The following NCOR1 variants were observed in gnomAD, a reference collection of about 807,000 sequenced individuals.
NCOR1 encodes nuclear receptor corepressor 1, also known as protein phosphatase 1, regulatory subunit 109.
Under a neutral mutation model 288.1 loss-of-function variants are expected in NCOR1, and 63 were observed. The observed-to-expected ratio is 0.22, with a 90% CI of 0.18 to 0.27. The LOEUF (loss-of-function observed/expected upper bound fraction) is 0.27, where lower values mean the gene tolerates loss of function less well. Among genes scored for constraint, NCOR1 ranks in the 10% least tolerant of loss-of-function variants. The pLI is 1.00. For synonymous variants in NCOR1, 1,007 were observed against 1,065.9 expected, an observed-to-expected ratio of 0.94 and a Z score of 1.08; for missense variants, 2,397 against 3,019.2, an observed-to-expected ratio of 0.79 and a Z score of 4.83.
At chr17:16,079,814 T>TG in intron 26 of NCOR1, 150 bp downstream of exon 26, 2 of 584,014 alleles carry the variant, frequency 3.4e-6, no homozygotes, top group South Asian at 5.1e-5. Flanking sequence ...TTAACGTCTC[T>TG]GTGGAGACAG....
chr17:16,092,677 ATATATATATATATATATATTTTTTT>A lies in NCOR1; in HGVS notation c.2821-644_2821-620del, dbSNP rs1251523391. On this transcript the variant is annotated intron_variant, in intron 21 of 45. Transcript: ENST00000268712. ...TATATATATATATATATATATATAT[ATATATATATATATATATATTTTTTT>A]TTTTTTTTTTTTTTAAGACATAGTC... Among the ~76,000 whole-genome samples, 8 of 17,742 alleles carry A rather than the reference ATATATATATATATATATATTTTTTT, an allele frequency of 4.5e-4. 1 individual carries two copies. In the East Asian group the frequency reaches 8.8e-3, roughly 20 times the overall value. 11.6% of individuals were successfully genotyped at this position (17,742 alleles called of 152,430 possible). A position where few individuals can be genotyped will look rare whatever the true frequency, so the allele number is the denominator to read the frequency against.
At chr17:16,200,706 G>A (rs2090678510) in intron 1 of NCOR1, among the ~76,000 whole-genome samples, 2 of 151,926 alleles carry the variant, frequency 1.3e-5, no homozygotes, top group South Asian at 2.1e-4. Context: ...TATGGGGTAG[G>A]GCAATGCCTT....
At position 16,127,313 on chromosome 17, in the gene NCOR1, GTATGTATATATGTATGTATATATACA is replaced by G. The variant is rs2074442344; in HGVS notation, c.1510-1133_1510-1108del. Among the ~76,000 whole-genome samples, 15 of 41,230 alleles carry G rather than the reference GTATGTATATATGTATGTATATATACA, an allele frequency of 3.6e-4. 3 individuals are homozygous for G. The highest frequency in any genetic ancestry group is 6.9e-4 in the Non-Finnish European group (10 of 14,456). 27.0% of individuals were successfully genotyped at this position (41,230 alleles called of 152,430 possible). On this transcript the variant is annotated intron_variant, in intron 14 of 45. Transcript: ENST00000268712. ...TATATGTATGTATGTATATATACAT[GTATGTATATATGTATGTATATATACA>G]TGTATGTATATATGTATGTATATAT...
rs771613304 is a variant in NCOR1, at chr17:16,194,415, G to A, written c.108+47C>T. The A allele has an allele frequency of 1.4e-5, 18 of 1,310,670 alleles. No homozygotes were observed. In the South Asian group the frequency reaches 1.9e-4, roughly 14 times the overall value. 81.2% of individuals were successfully genotyped at this position (1,310,670 alleles called of 1,614,324 possible). Reference sequence around the variant, plus strand: ...ATGTGTATTAAATAGGAAAAGTAAAGAAAAACACAAAAAACATGTGCAATT... The same window carrying A: ...ATGTGTATTAAATAGGAAAAGTAAAAAAAAACACAAAAAACATGTGCAATT... On this transcript the variant is annotated intron_variant, in intron 2 of 45. Transcript: ENST00000268712.
intron 22 of NCOR1, among the ~76,000 whole-genome samples, chr17:16,088,857 G>A (rs1297284373): frequency 6.6e-6 from 1 of 152,078 alleles, no homozygotes; most frequent in East Asian, 1.9e-4. Context: ...TCTCACTAAA[G>A]GACTGGGTGT....
At chr17:16,084,037 A>G (rs1460884745) in intron 23 of NCOR1, 2 of 152,216 alleles carry the variant, frequency 1.3e-5, no homozygotes, top group African/African-American at 4.8e-5. Flanking sequence ...TGCCCATGAA[A>G]AAGTGGGGGC....
rs766747861 is a variant in NCOR1, at chr17:16,073,410, T to C, written c.3811+19A>G. 6 of 1,549,174 alleles carry C rather than the reference T, an allele frequency of 3.9e-6. No individual in the cohort carries two copies. Among genetic ancestry groups the C allele is most frequent in the Non-Finnish European group, 3.5e-6 (4 of 1,152,142 alleles). On this transcript the variant is annotated intron_variant, in intron 28 of 45. Coordinates refer to ENST00000268712, the MANE Select transcript of NCOR1 (RefSeq NM_006311.4). ...AAAATAACATGTATCAAAATAACAT[T>C]CTGAAAACAATGCTTTACCCTCTAA...
At chr17:16,070,002 A>T (rs2061562196) in intron 31 of NCOR1, among the ~76,000 whole-genome samples, 163 bp downstream of exon 31, 1 of 152,180 alleles carries the variant, frequency 6.6e-6, no homozygotes, top group Non-Finnish European at 1.5e-5. Flanking sequence ...AATTATGCCT[A>T]CTTTTAAATT....
rs1421131709 is a variant in NCOR1, at chr17:16,153,401, G to T, written c.733-6C>A. 3.2e-6 allele frequency: 5 copies of T among 1,578,198 alleles called. No individual in the cohort carries two copies. The highest frequency in any genetic ancestry group is 4.3e-6 in the Non-Finnish European group (5 of 1,155,374). On this transcript the variant is annotated splice_region_variant and splice_polypyrimidine_tract_variant and intron_variant, in intron 6 of 45. Coordinates refer to ENST00000268712, the MANE Select transcript of NCOR1 (RefSeq NM_006311.4). Reference sequence around the variant, plus strand: ...TGAGCTTCTTCTGCTTTTTTCTAGAGATAAAGACATTGTTGTATCATATAA... The same window carrying T: ...TGAGCTTCTTCTGCTTTTTTCTAGATATAAAGACATTGTTGTATCATATAA...
chr17:16,087,645 T>G (rs1205719737), intron 22 of NCOR1, among the ~76,000 whole-genome samples: 1 of 152,246 alleles, frequency 6.6e-6, no homozygotes. Context: ...CATCAGATTA[T>G]CAAGCAATTC....
At position 16,075,705 on chromosome 17, in the gene NCOR1, G is replaced by A. The variant is rs531410993; in HGVS notation, c.3502-3C>T. On this transcript the variant is annotated splice_region_variant and splice_polypyrimidine_tract_variant and intron_variant, in intron 26 of 45. Transcript: ENST00000268712. ...GTCTGGGGCAGAGCCGGGGTGCCCT[G>A]CCATCAAATCAAGCATAAATAGCAG... 1 of 1,613,834 alleles carries A rather than the reference G, an allele frequency of 6.2e-7. No individual in the cohort carries two copies. The highest frequency in any genetic ancestry group is 1.1e-5 in the South Asian group (1 of 91,020).
chr17:16,129,274 C>A (rs180896162), intron 14 of NCOR1, among the ~76,000 whole-genome samples: 1 of 152,300 alleles, frequency 6.6e-6, no homozygotes, highest in Non-Finnish European at 1.5e-5. Flanking sequence ...CCAACTACAA[C>A]CACCCATCGC....
intron 1 of NCOR1, among the ~76,000 whole-genome samples, chr17:16,201,401 C>T (rs2090787903): frequency 6.6e-6 from 1 of 151,740 alleles, no homozygotes; most frequent in Admixed American, 6.6e-5. Flanking sequence ...GAGTTTGAGA[C>T]CAGCCTGGCC....
intron 4 of NCOR1, among the ~76,000 whole-genome samples, chr17:16,168,945 C>T (rs961792802): frequency 3.6e-5 from 5 of 139,598 alleles, no homozygotes; most frequent in Non-Finnish European, 7.6e-5. Flanking sequence ...GCCTGGGCAA[C>T]AAAGTGAGAC....
chr17:16,166,573 G>A (rs1168419463), intron 4 of NCOR1, among the ~76,000 whole-genome samples: 4 of 151,998 alleles, frequency 2.6e-5, no homozygotes, highest in Admixed American at 1.3e-4. Context: ...CCAGTTACTC[G>A]GGAGGCTGAG....
At chr17:16,071,046 T>G (rs1036767227) in intron 30 of NCOR1, among the ~76,000 whole-genome samples, 1 of 152,064 alleles carries the variant, frequency 6.6e-6, no homozygotes, top group Non-Finnish European at 1.5e-5. Context: ...TTTGGGATGC[T>G]GAGATGGGCA....
At chr17:16,155,350 C>CA (rs11367956) in intron 6 of NCOR1, among the ~76,000 whole-genome samples, 8,257 of 114,800 alleles carry the variant, frequency 0.072, 369 homozygotes, top group Middle Eastern at 0.11. Flanking sequence ...GACTGTGTCT[C>CA]AAAAAAAAAA....
chr17:16,072,060 G>T (rs551201885), intron 29 of NCOR1, 85 bp downstream of exon 29: 1 of 1,053,546 alleles, frequency 9.5e-7, no homozygotes, highest in Non-Finnish European at 1.4e-6. Context: ...AACTTGAAAA[G>T]CAGAAATACA....
chr17:16,151,701 C>A, intron 8 of NCOR1: 1 of 1,237,018 alleles, frequency 8.1e-7, no homozygotes, highest in Admixed American at 2.3e-5. Context: ...TTTTTACTAG[C>A]AGATTATAAA....
Sources: allele counts gnomAD v4.1 joint callset (sites outside exome capture counted in the v4.1 genomes callset), GRCh38; gene constraint gnomAD v4.1.1; transcripts MANE v1.5; gene names NCBI Gene and HGNC (gene_info 2026-07-23, HGNC 2026-07-21).